The following GPC5 variants were observed in gnomAD, a reference collection of about 807,000 sequenced individuals.
GPC5 encodes the protein glypican 5.
Under a neutral mutation model 53.9 loss-of-function variants are expected in GPC5, and 47 were observed. The ratio of observed to expected loss-of-function variants is 0.87; its 90% CI spans 0.69 to 1.11. GPC5 has a LOEUF of 1.11. GPC5 is among the 50% of genes most tolerant of loss of function. The pLI is 0.00. For synonymous variants in GPC5, 286 were observed against 263.3 expected, an observed-to-expected ratio of 1.09 and a Z score of -0.84; for missense variants, 748 against 713.1, an observed-to-expected ratio of 1.05 and a Z score of -0.56.
intron 7 of GPC5, among the ~76,000 whole-genome samples, chr13:92,520,793 G>A (rs1388840935): frequency 1.3e-5 from 2 of 151,962 alleles, no homozygotes; most frequent in African/African-American, 4.8e-5. Context: ...CAATCAAGCA[G>A]GACAAAGAAA....
chr13:92,475,866 TC>T (rs376425168), intron 7 of GPC5, among the ~76,000 whole-genome samples: 22,101 of 151,814 alleles, frequency 0.15, 1,731 homozygotes, highest in South Asian at 0.21. Flanking sequence ...CTGGATCCCT[TC>T]CTTACACCTT....
At chr13:92,463,371 A>AC (rs1262317175) in intron 7 of GPC5, among the ~76,000 whole-genome samples, 2 of 152,156 alleles carry the variant, frequency 1.3e-5, no homozygotes, top group African/African-American at 4.8e-5. Context: ...GTCTAACTCT[A>AC]TTCTGGGGTG....
intron 3 of GPC5, among the ~76,000 whole-genome samples, chr13:91,715,500 C>A (rs554702132): frequency 1.7e-4 from 26 of 152,096 alleles, no homozygotes; most frequent in African/African-American, 6.0e-4. Flanking sequence ...CAAAAAAGAA[C>A]AAAATGTAAA....
At chr13:92,782,847 T>C (rs1368271701) in intron 7 of GPC5, among the ~76,000 whole-genome samples, 1 of 152,128 alleles carries the variant, frequency 6.6e-6, no homozygotes, top group Non-Finnish European at 1.5e-5. Flanking sequence ...TTTTTTCTTA[T>C]GATTCATAGC....
At chr13:92,518,023 G>A (rs1880865322) in intron 7 of GPC5, among the ~76,000 whole-genome samples, 1 of 152,216 alleles carries the variant, frequency 6.6e-6, no homozygotes, top group African/African-American at 2.4e-5. Flanking sequence ...AGAACTACGT[G>A]ATGAATGCAC....
At chr13:91,433,976 TC>T (rs1879703971) in intron 1 of GPC5, among the ~76,000 whole-genome samples, 1 of 152,218 alleles carries the variant, frequency 6.6e-6, no homozygotes, top group South Asian at 2.1e-4. Context: ...TTTTCACGTG[TC>T]TTTTGGCTGC....
At chr13:91,757,881 A>G (rs918232165) in intron 5 of GPC5, among the ~76,000 whole-genome samples, 1 of 152,192 alleles carries the variant, frequency 6.6e-6, no homozygotes, top group Non-Finnish European at 1.5e-5. Flanking sequence ...CTTTGCTATG[A>G]TAAACATATA....
chr13:91,962,292 A>G (rs1439441876), intron 6 of GPC5, among the ~76,000 whole-genome samples: 1 of 152,162 alleles, frequency 6.6e-6, no homozygotes, highest in African/African-American at 2.4e-5. Context: ...TCCTTTTGCC[A>G]TGAATACAGA....
At chr13:92,248,228 C>A (rs2042667391) in intron 7 of GPC5, among the ~76,000 whole-genome samples, 1 of 151,698 alleles carries the variant, frequency 6.6e-6, no homozygotes, top group African/African-American at 2.4e-5. Flanking sequence ...GATTTTTAGC[C>A]CCATAGGCTG....
chr13:92,187,037 T>G, intron 7 of GPC5, among the ~76,000 whole-genome samples: 1 of 151,750 alleles, frequency 6.6e-6, no homozygotes, highest in Non-Finnish European at 1.5e-5. Context: ...GCTTGAACCC[T>G]GGAGGTGGAG....
At position 92,092,906 on chromosome 13, in the gene GPC5, C is replaced by T. The variant is rs557964069; in HGVS notation, c.1402-51924C>T. 2.2e-4 allele frequency among the ~76,000 whole-genome samples: 33 copies of T among 152,240 alleles called. No homozygotes were observed. In the South Asian group the frequency reaches 6.6e-3, roughly 31 times the overall value. The stretch of plus-strand genomic sequence containing the variant: ...AGCAGAGAATATATAGGCAGACATT[C>T]ATGCTGAAATGAATTTGCTTAATAA... On this transcript the variant is annotated intron_variant, in intron 6 of 7. Coordinates refer to ENST00000377067, the MANE Select transcript of GPC5 (RefSeq NM_004466.6).
At chr13:91,669,046 A>G (rs995418915) in intron 2 of GPC5, among the ~76,000 whole-genome samples, 3 of 152,226 alleles carry the variant, frequency 2.0e-5, no homozygotes, top group African/African-American at 7.2e-5. Flanking sequence ...AATATTGTGC[A>G]ATCCTGCATA....
intron 2 of GPC5, among the ~76,000 whole-genome samples, chr13:91,609,473 A>G (rs1238486171): frequency 6.6e-6 from 1 of 152,184 alleles, no homozygotes; most frequent in African/African-American, 2.4e-5. Context: ...AGGACTCTAA[A>G]CACGTCACCA....
intron 7 of GPC5, among the ~76,000 whole-genome samples, chr13:92,755,045 C>G (rs1353704720): frequency 6.6e-6 from 1 of 151,966 alleles, no homozygotes; most frequent in African/African-American, 2.4e-5. Context: ...AGCACCACAC[C>G]ACACCTATTC....
At chr13:92,818,756 T>C (rs371998833) in intron 7 of GPC5, among the ~76,000 whole-genome samples, 28 of 151,998 alleles carry the variant, frequency 1.8e-4, no homozygotes, top group Middle Eastern at 6.8e-3. Context: ...ATTTGATGAA[T>C]AATAGAGAAC....
At chr13:92,663,264 G>T (rs1358494658) in intron 7 of GPC5, among the ~76,000 whole-genome samples, 1 of 151,680 alleles carries the variant, frequency 6.6e-6, no homozygotes, top group Non-Finnish European at 1.5e-5. Flanking sequence ...AAAATTTAAT[G>T]GTATAAGAAC....
chr13:91,705,349 A>G (rs1005049766), intron 3 of GPC5, among the ~76,000 whole-genome samples: 2 of 152,158 alleles, frequency 1.3e-5, no homozygotes, highest in Non-Finnish European at 2.9e-5. Context: ...TATTCTCCTT[A>G]TTCTATTTTC....
At chr13:91,875,228 G>T (rs944232391) in intron 5 of GPC5, among the ~76,000 whole-genome samples, 1 of 152,130 alleles carries the variant, frequency 6.6e-6, no homozygotes, top group Admixed American at 6.6e-5. Context: ...CTTGGAATCT[G>T]TGCTCTCATA....
At chr13:92,193,013 A>G (rs770317270) in intron 7 of GPC5, among the ~76,000 whole-genome samples, 3 of 152,114 alleles carry the variant, frequency 2.0e-5, no homozygotes, top group African/African-American at 7.2e-5. Flanking sequence ...CATCTCTACT[A>G]AAAATACAAA....
Sources: allele counts gnomAD v4.1 joint callset (sites outside exome capture counted in the v4.1 genomes callset), GRCh38; gene constraint gnomAD v4.1.1; transcripts MANE v1.5; gene names NCBI Gene and HGNC (gene_info 2026-07-23, HGNC 2026-07-21).